The following PRR16 variants were observed in gnomAD, a reference collection of about 807,000 sequenced individuals.
PRR16 encodes protein Largen.
A neutral mutation model predicts 18.2 loss-of-function variants in PRR16; 6 were observed. That is an observed-to-expected ratio of 0.33 (90% CI 0.18 to 0.65). The LOEUF (loss-of-function observed/expected upper bound fraction) is 0.65, where lower values mean the gene tolerates loss of function less well. Ranked by LOEUF, PRR16 falls within the 30% of genes least tolerant of loss-of-function variation. The pLI is 0.74. For synonymous variants in PRR16, 151 were observed against 147.8 expected (o/e 1.02, Z -0.16); for missense variants, 412 against 376.6 (o/e 1.09, Z -0.78).
At chr5:120,476,779 T>C (rs956541657) in intron 1 of PRR16, among the ~76,000 whole-genome samples, 1 of 152,130 alleles carries the variant, frequency 6.6e-6, no homozygotes, top group African/African-American at 2.4e-5. Context: ...TAAAAATTAC[T>C]ATCTGATTTC....
At chr5:120,534,818 A>C (rs1286364747) in intron 1 of PRR16, among the ~76,000 whole-genome samples, 1 of 152,216 alleles carries the variant, frequency 6.6e-6, no homozygotes, top group Non-Finnish European at 1.5e-5. Flanking sequence ...AGAGGAGAGA[A>C]ATACAGTTTC....
chr5:120,595,728 C>T (rs1046603152), intron 1 of PRR16, among the ~76,000 whole-genome samples: 51 of 151,858 alleles, frequency 3.4e-4, no homozygotes, highest in Non-Finnish European at 5.9e-5. Context: ...TTCTCAGGGT[C>T]TTAATAGAAT....
the PRR16 span, among the ~76,000 whole-genome samples, chr5:120,709,086 C>G: frequency 2.3e-5 from 3 of 130,100 alleles, no homozygotes; most frequent in South Asian, 7.6e-4. Context: ...CGGCTCACTG[C>G]AAGCTCCAGC....
At chr5:120,781,994 AAC>A in the PRR16 span, among the ~76,000 whole-genome samples, 1 of 115,696 alleles carries the variant, frequency 8.6e-6, no homozygotes, top group Non-Finnish European at 1.8e-5. Context: ...TACTAATAAA[AAC>A]AGTGATTTGC....
At chr5:120,711,745 A>G in the PRR16 span, among the ~76,000 whole-genome samples, 1 of 152,130 alleles carries the variant, frequency 6.6e-6, no homozygotes, top group South Asian at 2.1e-4. Flanking sequence ...AGTCCATGAG[A>G]TAGTCTATGA....
chr5:120,582,270 A>G (rs1334314474), intron 1 of PRR16, among the ~76,000 whole-genome samples: 1 of 152,246 alleles, frequency 6.6e-6, no homozygotes, highest in Admixed American at 6.5e-5. Context: ...ACATGGATAT[A>G]AAGTTGGAAA....
chr5:120,734,408 C>T, the PRR16 span, among the ~76,000 whole-genome samples: 1 of 152,034 alleles, frequency 6.6e-6, no homozygotes, highest in African/African-American at 2.4e-5. Flanking sequence ...ATAATATGTT[C>T]TTTTCACTAG....
intron 1 of PRR16, among the ~76,000 whole-genome samples, chr5:120,622,604 G>A (rs1314189645): frequency 1.3e-5 from 2 of 151,862 alleles, no homozygotes; most frequent in Non-Finnish European, 2.9e-5. Flanking sequence ...TTAGCCTCCC[G>A]AATAGCTGGG....
chr5:120,756,413 C>T, the PRR16 span, among the ~76,000 whole-genome samples: 6 of 152,056 alleles, frequency 3.9e-5, no homozygotes, highest in African/African-American at 1.4e-4. Flanking sequence ...ACATTTCTAC[C>T]AGAAGTATGT....
chr5:120,634,470 G>T (rs566869910), intron 1 of PRR16, among the ~76,000 whole-genome samples: 4 of 151,864 alleles, frequency 2.6e-5, no homozygotes, highest in African/African-American at 9.7e-5. Flanking sequence ...ATGGTGAAAC[G>T]CCATCTCTAC....
At chr5:120,719,754 C>G in the PRR16 span, among the ~76,000 whole-genome samples, 1 of 151,994 alleles carries the variant, frequency 6.6e-6, no homozygotes, top group African/African-American at 2.4e-5. Context: ...ATTACTGACA[C>G]AGATATTATG....
the PRR16 span, chr5:120,781,235 C>G: frequency 6.6e-6 from 1 of 151,740 alleles, no homozygotes; most frequent in Non-Finnish European, 1.5e-5. Flanking sequence ...GCTGAAGCGT[C>G]TGAAACAAGA....
intron 1 of PRR16, among the ~76,000 whole-genome samples, chr5:120,627,317 G>A (rs915268361): frequency 6.6e-6 from 1 of 152,058 alleles, no homozygotes; most frequent in African/African-American, 2.4e-5. Flanking sequence ...GCTCAAATTA[G>A]TAGATACTTA....
chr5:120,727,535 T>C, the PRR16 span, among the ~76,000 whole-genome samples: 2 of 152,144 alleles, frequency 1.3e-5, no homozygotes, highest in African/African-American at 4.8e-5. Flanking sequence ...CAGATACCCA[T>C]TTTAGAAAGC....
At chr5:120,737,501 A>G in the PRR16 span, among the ~76,000 whole-genome samples, 9 of 151,742 alleles carry the variant, frequency 5.9e-5, no homozygotes, top group Non-Finnish European at 1.3e-4. Flanking sequence ...CATAGTGTAT[A>G]ATCCTTTTAA....
chr5:120,613,336 C>T (rs1290579448), intron 1 of PRR16, among the ~76,000 whole-genome samples: 1 of 150,524 alleles, frequency 6.6e-6, no homozygotes, highest in Admixed American at 6.7e-5. Flanking sequence ...TTTTTGGTAA[C>T]TTCAGTGGAA....
chr5:120,618,738 T>C (rs1754592849), intron 1 of PRR16, among the ~76,000 whole-genome samples: 1 of 152,034 alleles, frequency 6.6e-6, no homozygotes, highest in African/African-American at 2.4e-5. Flanking sequence ...GATTCTTATT[T>C]TTTTTGTTTC....
the PRR16 span, among the ~76,000 whole-genome samples, chr5:120,776,884 T>A: frequency 6.6e-6 from 1 of 152,114 alleles, no homozygotes; most frequent in Non-Finnish European, 1.5e-5. Context: ...GATTAAAGGT[T>A]TATGCAGTAA....
At chr5:120,551,765 C>T (rs971346121) in intron 1 of PRR16, among the ~76,000 whole-genome samples, 2 of 151,840 alleles carry the variant, frequency 1.3e-5, no homozygotes, top group African/African-American at 2.4e-5. Flanking sequence ...GGAGAAAGAC[C>T]TCGGTTGCAC....
Sources: allele counts gnomAD v4.1 joint callset (sites outside exome capture counted in the v4.1 genomes callset), GRCh38; gene constraint gnomAD v4.1.1; transcripts MANE v1.5; gene names NCBI Gene and HGNC (gene_info 2026-07-23, HGNC 2026-07-21).